The following CNTN5 variants were observed in gnomAD, a reference collection of about 807,000 sequenced individuals.
CNTN5 encodes contactin-5.
In CNTN5, 77 loss-of-function variants were observed where a neutral mutation model predicts 129.1. That is an observed-to-expected ratio of 0.60 (90% CI 0.50 to 0.72). The LOEUF (loss-of-function observed/expected upper bound fraction) is 0.72, where lower values mean the gene tolerates loss of function less well. CNTN5 is among the 30% of genes least tolerant of loss of function. CNTN5 has a pLI of 0.00. For missense variants in CNTN5, 1,478 were observed against 1,328.8 expected (o/e 1.11, Z -1.75); for synonymous variants, 509 against 465.6 (o/e 1.09, Z -1.20).
intron 2 of CNTN5, among the ~76,000 whole-genome samples, chr11:99,329,427 G>T (rs1475348144): frequency 6.6e-6 from 1 of 152,096 alleles, no homozygotes; most frequent in Non-Finnish European, 1.5e-5. Context: ...TTATTTTCTG[G>T]AGTAAGTTTT....
intron 15 of CNTN5, among the ~76,000 whole-genome samples, chr11:100,204,297 A>AATATATATATATAT (rs10633078): frequency 7.4e-4 from 13 of 17,650 alleles, no homozygotes; most frequent in Non-Finnish European, 1.1e-3. Flanking sequence ...AACATTGACT[A>AATATATATATATAT]ATATATATAT....
intron 3 of CNTN5, among the ~76,000 whole-genome samples, chr11:99,679,382 A>G (rs1019432132): frequency 2.6e-5 from 4 of 151,948 alleles, no homozygotes; most frequent in African/African-American, 9.7e-5. Flanking sequence ...TACCAGTACC[A>G]TTTTCAAACA....
chr11:99,260,732 A>G (rs951075439), intron 1 of CNTN5, among the ~76,000 whole-genome samples: 2 of 151,938 alleles, frequency 1.3e-5, no homozygotes, highest in Admixed American at 1.3e-4. Flanking sequence ...TTATTCACAT[A>G]TTCCCAATTA....
Position 99,452,389 on chromosome 11 carries a change from T to G in CNTN5, c.-70-103756T>G, listed in dbSNP as rs11219994. On this transcript the variant is annotated intron_variant, in intron 2 of 24. Coordinates refer to ENST00000524871, the MANE Select transcript of CNTN5 (RefSeq NM_014361.4). Reference sequence around the variant, plus strand: ...ACACAGGTGTTTTTTTTTTTTTTTTTTGGGACGGAGTCTGGTTCTGTCACC... The same window carrying G: ...ACACAGGTGTTTTTTTTTTTTTTTTGTGGGACGGAGTCTGGTTCTGTCACC... 6.8e-3 allele frequency among the ~76,000 whole-genome samples: 1,014 copies of G among 149,524 alleles called. 39 individuals carry two copies. The East Asian group carries it at 0.1, about 15-fold the overall frequency.
intron 7 of CNTN5, among the ~76,000 whole-genome samples, chr11:99,939,198 T>A (rs1950380297): frequency 6.6e-6 from 1 of 152,162 alleles, no homozygotes; most frequent in Non-Finnish European, 1.5e-5. Context: ...TTCTTTCTTT[T>A]CTATTTAGTT....
chr11:99,923,676 T>C (rs577885588), intron 7 of CNTN5, among the ~76,000 whole-genome samples: 2 of 152,318 alleles, frequency 1.3e-5, no homozygotes, highest in East Asian at 3.9e-4. Flanking sequence ...ACTGAGCTAA[T>C]TTGCATTCCC....
intron 13 of CNTN5, among the ~76,000 whole-genome samples, chr11:100,186,756 C>T (rs1948311803): frequency 6.6e-6 from 1 of 152,102 alleles, no homozygotes; most frequent in Admixed American, 6.6e-5. Context: ...GAATTAATCC[C>T]CATATATGAA....
chr11:99,137,987 A>C (rs1319786284), intron 1 of CNTN5, among the ~76,000 whole-genome samples: 1 of 152,190 alleles, frequency 6.6e-6, no homozygotes, highest in African/African-American at 2.4e-5. Context: ...TTTTCCATTA[A>C]TTTAAAACAC....
At chr11:99,616,677 T>C (rs1950769449) in intron 3 of CNTN5, among the ~76,000 whole-genome samples, 1 of 151,984 alleles carries the variant, frequency 6.6e-6, no homozygotes, top group Non-Finnish European at 1.5e-5. Context: ...AACTTAGAAT[T>C]TGGGGAAAGA....
chr11:99,213,229 ATATT>A (rs1490734075), intron 1 of CNTN5, among the ~76,000 whole-genome samples: 5 of 105,852 alleles, frequency 4.7e-5, no homozygotes, highest in South Asian at 2.7e-4. Context: ...GTATATATAT[ATATT>A]TTTTTCTATA....
At chr11:100,283,954 A>T (rs182102818) in intron 18 of CNTN5, among the ~76,000 whole-genome samples, 76 of 152,126 alleles carry the variant, frequency 5.0e-4, no homozygotes, top group Non-Finnish European at 8.7e-4. Flanking sequence ...TCAAAAAAAT[A>T]AAAAATTTAA....
At chr11:99,200,665 T>A (rs1293005927) in intron 1 of CNTN5, among the ~76,000 whole-genome samples, 2 of 152,150 alleles carry the variant, frequency 1.3e-5, no homozygotes, top group Admixed American at 6.5e-5. Flanking sequence ...ATGATATAAG[T>A]GCAAAAGGGA....
At chr11:100,283,254 A>G (rs951011910) in intron 18 of CNTN5, among the ~76,000 whole-genome samples, 1 of 152,054 alleles carries the variant, frequency 6.6e-6, no homozygotes, top group Admixed American at 6.6e-5. Flanking sequence ...AGGGCTTCAC[A>G]ACTATGACCA....
intron 3 of CNTN5, among the ~76,000 whole-genome samples, chr11:99,653,444 G>A (rs922798295): frequency 2.6e-5 from 4 of 151,802 alleles, no homozygotes; most frequent in East Asian, 3.9e-4. Flanking sequence ...TAGCTCCCCC[G>A]TCTCAGATTT....
intron 18 of CNTN5, among the ~76,000 whole-genome samples, chr11:100,271,815 TA>T (rs919328106): frequency 5.9e-5 from 9 of 152,214 alleles, no homozygotes; most frequent in Non-Finnish European, 1.0e-4. Context: ...GCATATCTGA[TA>T]AAAGGTTTCT....
chr11:100,233,386 A>G (rs1949536008), intron 16 of CNTN5, among the ~76,000 whole-genome samples: 1 of 152,222 alleles, frequency 6.6e-6, no homozygotes, highest in South Asian at 2.1e-4. Context: ...TGATATACTC[A>G]CCGCAACTTA....
chr11:100,148,553 T>G (rs986928776), intron 13 of CNTN5, among the ~76,000 whole-genome samples: 1 of 152,146 alleles, frequency 6.6e-6, no homozygotes, highest in Non-Finnish European at 1.5e-5. Flanking sequence ...GCTAACTAAC[T>G]CCCTTTGATC....
At chr11:99,090,883 G>T (rs1187741943) in intron 1 of CNTN5, among the ~76,000 whole-genome samples, 2 of 151,752 alleles carry the variant, frequency 1.3e-5, no homozygotes, top group Admixed American at 6.6e-5. Context: ...TTAGCCCGTC[G>T]CGGTGGCAGG....
At chr11:100,141,063 G>GA (rs1565280186) in intron 13 of CNTN5, among the ~76,000 whole-genome samples, 1 of 152,202 alleles carries the variant, frequency 6.6e-6, no homozygotes, top group East Asian at 1.9e-4. Flanking sequence ...AATGGTCGAG[G>GA]AAAAATTGAA....
Sources: gnomAD v4.1 joint callset for allele counts (sites outside exome capture counted in the v4.1 genomes callset) on GRCh38, gnomAD v4.1.1 for gene constraint, MANE v1.5 for transcripts, NCBI Gene and HGNC (gene_info 2026-07-23, HGNC 2026-07-21) for gene names.